Variants in KIRREL3 observed in about 807,000 individuals in gnomAD.
The protein encoded by KIRREL3 is kirre like nephrin family adhesion molecule 3.
A neutral mutation model predicts 89.7 loss-of-function variants in KIRREL3; 36 were observed. The ratio of observed to expected loss-of-function variants is 0.40; its 90% CI spans 0.31 to 0.53. The LOEUF (loss-of-function observed/expected upper bound fraction) is 0.53. Ranked by LOEUF, KIRREL3 falls within the 20% of genes least tolerant of loss-of-function variation. The pLI is 0.49. For synonymous variants in KIRREL3, 445 were observed against 441.4 expected, an observed-to-expected ratio of 1.01 and a Z score of -0.10; for missense variants, 864 against 1,056.6, an observed-to-expected ratio of 0.82 and a Z score of 2.53.
At chr11:126,956,965 G>C (rs1591380988) in intron 1 of KIRREL3, among the ~76,000 whole-genome samples, 1 of 152,298 alleles carries the variant, frequency 6.6e-6, no homozygotes, top group African/African-American at 2.4e-5. Context: ...ACGCCTCTTG[G>C]GTTGTGTTCT....
At position 126,761,209 on chromosome 11, in the gene KIRREL3, G is replaced by A. The variant is rs1222526582; in HGVS notation, c.56-198297C>T. 6.6e-6 allele frequency among the ~76,000 whole-genome samples: 1 copy of A among 152,218 alleles called. No individual in the cohort carries two copies. The highest frequency in any genetic ancestry group is 1.5e-5 in the Non-Finnish European group (1 of 68,046). On this transcript the variant is annotated intron_variant, in intron 1 of 16. Transcript: ENST00000525144. The surrounding 1 kb of genome is among the most constrained non-coding windows in gnomAD (Gnocchi z 4.4). Reference sequence around the variant, plus strand: ...ACTGGGAAGATATGGTGTTGGCAGGGACTCGGGACCCTGCAAGACCCAGTG... The same window carrying A: ...ACTGGGAAGATATGGTGTTGGCAGGAACTCGGGACCCTGCAAGACCCAGTG...
chr11:126,449,618 C>A (rs115302347), intron 7 of KIRREL3, among the ~76,000 whole-genome samples: 1 of 152,168 alleles, frequency 6.6e-6, no homozygotes, highest in East Asian at 1.9e-4. Context: ...CATGCATGCT[C>A]ATACGTGTGC....
At position 126,463,088 on chromosome 11, in the gene KIRREL3, G is replaced by T; in HGVS notation, c.742+69C>A. On this transcript the variant is annotated intron_variant, in intron 6 of 16. Transcript: ENST00000525144. This position sits in a 1 kb window ranked among gnomAD's most constrained non-coding sequence, Gnocchi z 5.9. ...CCTGCTATCAGATGGGCCAGGCTATGGTCAGGGTTGCTGGGTGTTTCACCC... is the reference window on the plus strand; with the variant it reads ...CCTGCTATCAGATGGGCCAGGCTATTGTCAGGGTTGCTGGGTGTTTCACCC... The T allele has an allele frequency of 6.7e-7, 1 of 1,498,326 alleles. No individual in the cohort carries two copies. Among genetic ancestry groups the T allele is most frequent in the Non-Finnish European group, 9.2e-7 (1 of 1,088,962 alleles). 92.8% of individuals were successfully genotyped at this position (1,498,326 alleles called of 1,614,324 possible).
At chr11:126,815,320 G>A (rs886399920) in intron 1 of KIRREL3, among the ~76,000 whole-genome samples, 1 of 152,134 alleles carries the variant, frequency 6.6e-6, no homozygotes, top group African/African-American at 2.4e-5. Flanking sequence ...TAGTGAATGA[G>A]TCACACCCTG....
chr11:126,600,384 A>G (rs1008989672), intron 1 of KIRREL3, among the ~76,000 whole-genome samples: 4 of 152,246 alleles, frequency 2.6e-5, no homozygotes, highest in African/African-American at 9.6e-5. Context: ...ACCCACATAT[A>G]TTTAGAGGTA....
chr11:126,868,694 C>A (rs1016267003), intron 1 of KIRREL3, among the ~76,000 whole-genome samples: 2 of 152,068 alleles, frequency 1.3e-5, no homozygotes, highest in Non-Finnish European at 2.9e-5. Flanking sequence ...CTGTTAGTGC[C>A]CTTTCTTATC....
intron 1 of KIRREL3, among the ~76,000 whole-genome samples, chr11:126,759,625 G>A (rs1237204222): frequency 6.6e-6 from 1 of 152,208 alleles, no homozygotes; most frequent in Non-Finnish European, 1.5e-5. Flanking sequence ...CTAAGGAGAA[G>A]TTTCTAGAGG....
rs1278693951 is a variant in KIRREL3 at position 126,900,793 on chromosome 11, C to T, written c.55+99662G>A. 1.3e-5 allele frequency among the ~76,000 whole-genome samples: 2 copies of T among 152,136 alleles called. No individual in the cohort carries two copies. Among genetic ancestry groups the T allele is most frequent in the African/African-American group, 4.8e-5 (2 of 41,416 alleles). ...TGTATATCTTCAGGGCTGTTGAGCT[C>T]TTTCAGAGTATTCTGTTTGAGGGAA... On this transcript the variant is annotated intron_variant, in intron 1 of 16. Transcript: ENST00000525144. This position sits in a 1 kb window ranked among gnomAD's most constrained non-coding sequence, Gnocchi z 4.4.
intron 1 of KIRREL3, among the ~76,000 whole-genome samples, chr11:126,923,129 C>CTTCTCTTCT (rs1555090094): frequency 1.9e-4 from 5 of 25,732 alleles, no homozygotes; most frequent in South Asian, 1.5e-3. Context: ...TCTCCTTCTT[C>CTTCTCTTCT]TCTTCTTCTT....
intron 1 of KIRREL3, among the ~76,000 whole-genome samples, chr11:126,711,470 G>A (rs1947752202): frequency 6.6e-6 from 1 of 152,142 alleles, no homozygotes; most frequent in Non-Finnish European, 1.5e-5. Flanking sequence ...GCTGAGGCAT[G>A]AGAATCACTT....
rs193157994 is a variant in KIRREL3, at chr11:126,579,946, C to A, written c.56-17034G>T. 6.6e-6 allele frequency among the ~76,000 whole-genome samples: 1 copy of A among 151,846 alleles called. No individual in the cohort carries two copies. The highest frequency in any genetic ancestry group is 2.1e-4 in the South Asian group (1 of 4,816). ...CTGGAAGCTCCACCTCCTGGATTCA[C>A]GCCATTCTCCTGCCTCAGCCTCCCG... is the stretch of plus-strand genomic sequence containing the variant. On this transcript the variant is annotated intron_variant, in intron 1 of 16. Transcript: ENST00000525144. This position sits in a 1 kb window ranked among gnomAD's most constrained non-coding sequence, Gnocchi z 5.3.
In KIRREL3 at chr11:126,430,352, C is replaced by A. The variant is rs768517920; in HGVS notation, c.1697-1064G>T. Among the ~76,000 whole-genome samples, 1 of 151,986 alleles carries A rather than the reference C, an allele frequency of 6.6e-6. No homozygotes were observed. On this transcript the variant is annotated intron_variant, in intron 14 of 16. Transcript: ENST00000525144. The surrounding 1 kb of genome is among the most constrained non-coding windows in gnomAD (Gnocchi z 6.6). ...CCCAGCGACTCAGGAGGCTTAGGCACGAGAATCGCTTGAACCTGGGAGGCG... is the reference window on the plus strand; with the variant it reads ...CCCAGCGACTCAGGAGGCTTAGGCAAGAGAATCGCTTGAACCTGGGAGGCG...
chr11:126,461,165 G>C (rs543451738), intron 6 of KIRREL3, among the ~76,000 whole-genome samples: 1 of 152,368 alleles, frequency 6.6e-6, no homozygotes, highest in East Asian at 1.9e-4. Flanking sequence ...ACAGGCGTAG[G>C]CCCAGCCCAC....
rs1780283789 is a variant in KIRREL3 at position 126,555,742 on chromosome 11, G to GC, written c.133+7092dup. Among the ~76,000 whole-genome samples the GC allele has an allele frequency of 1.4e-5, 1 of 70,618 alleles. No homozygotes were observed. 46.3% of individuals were successfully genotyped at this position (70,618 alleles called of 152,430 possible). On this transcript the variant is annotated intron_variant, in intron 2 of 16. Transcript: ENST00000525144. The surrounding 1 kb of genome is among the most constrained non-coding windows in gnomAD (Gnocchi z 4.2). The stretch of plus-strand genomic sequence containing the variant: ...CTTGTAGAACATGCTAACAATGTGA[G>GC]CATTTTTTTTTTTTTTGAGACGGAG...
intron 1 of KIRREL3, among the ~76,000 whole-genome samples, chr11:126,825,864 C>T (rs1006660133): frequency 1.3e-5 from 2 of 152,284 alleles, no homozygotes; most frequent in African/African-American, 2.4e-5. Flanking sequence ...ACAAGGCCGC[C>T]GAGTTGATAC....
chr11:126,540,170 A>T (rs1157181337), intron 2 of KIRREL3, among the ~76,000 whole-genome samples: 1 of 152,182 alleles, frequency 6.6e-6, no homozygotes, highest in Non-Finnish European at 1.5e-5. Context: ...TGGGAGAGAG[A>T]CAAAGAAACA....
chr11:126,698,362 T>C (rs970351115), intron 1 of KIRREL3, among the ~76,000 whole-genome samples: 2 of 152,164 alleles, frequency 1.3e-5, no homozygotes, highest in African/African-American at 4.8e-5. Flanking sequence ...CTGCTAAGAC[T>C]CTATTTTAAA....
rs915686524 is a variant in KIRREL3, at chr11:126,587,673, T to C, written c.56-24761A>G. 2.0e-5 allele frequency among the ~76,000 whole-genome samples: 3 copies of C among 152,250 alleles called. No homozygotes were observed. The highest frequency in any genetic ancestry group is 2.9e-5 in the Non-Finnish European group (2 of 68,058). On this transcript the variant is annotated intron_variant, in intron 1 of 16. Coordinates refer to ENST00000525144, the MANE Select transcript of KIRREL3 (RefSeq NM_032531.4). This position sits in a 1 kb window ranked among gnomAD's most constrained non-coding sequence, Gnocchi z 5.2. ...CTGAAGGACTGTAATCTGGGAGATA[T>C]TCATTTAACATATTTCTGTCTCTGA...
At chr11:126,865,509 C>A (rs1944889947) in intron 1 of KIRREL3, among the ~76,000 whole-genome samples, 1 of 152,234 alleles carries the variant, frequency 6.6e-6, no homozygotes, top group Non-Finnish European at 1.5e-5. Context: ...CCCTGCAGGG[C>A]CACCACAGCA....
Sources: allele counts gnomAD v4.1 joint callset (sites outside exome capture counted in the v4.1 genomes callset), GRCh38; gene constraint gnomAD v4.1.1; non-coding constraint Gnocchi (gnomAD v3.1); transcripts MANE v1.5; gene names NCBI Gene and HGNC (gene_info 2026-07-23, HGNC 2026-07-21).